The following PRIM2 variants were observed in gnomAD, a reference collection of about 807,000 sequenced individuals.
The protein encoded by PRIM2 is DNA primase subunit 2, also known as DNA primase large subunit.
A neutral mutation model predicts 67.3 loss-of-function variants in PRIM2; 39 were observed. That is an observed-to-expected ratio of 0.58 (90% confidence interval 0.45 to 0.76). The LOEUF is 0.76. Among genes scored for constraint, PRIM2 ranks in the 30% least tolerant of loss-of-function variants. The probability of loss-of-function intolerance (pLI) is 0.00; values close to 1 mark genes in which losing one functional copy is unlikely to be tolerated. For synonymous variants in PRIM2, 143 were observed against 198.7 expected (o/e 0.72, Z 2.36); for missense variants, 398 against 598.7 (o/e 0.66, Z 3.50).
At chr6:57,408,720 G>A (rs1349342782) in intron 7 of PRIM2, among the ~76,000 whole-genome samples, 1 of 152,032 alleles carries the variant, frequency 6.6e-6, no homozygotes, top group Non-Finnish European at 1.5e-5. Context: ...CTATGTTGTT[G>A]TTGTTTTTAG....
the PRIM2 span, among the ~76,000 whole-genome samples, chr6:57,301,728 G>A: frequency 2.6e-5 from 4 of 152,166 alleles, no homozygotes; most frequent in South Asian, 2.1e-4. Context: ...GTGGCTGAGC[G>A]TGAGAATCAC....
At chr6:57,510,308 A>G (rs1421341317) in intron 8 of PRIM2, among the ~76,000 whole-genome samples, 6 of 152,158 alleles carry the variant, frequency 3.9e-5, no homozygotes, top group Non-Finnish European at 5.9e-5. Flanking sequence ...TTCTGCATAA[A>G]GTTTTTATAA....
At chr6:57,270,630 G>C in the PRIM2 span, among the ~76,000 whole-genome samples, 2 of 152,074 alleles carry the variant, frequency 1.3e-5, no homozygotes, top group South Asian at 2.1e-4. Context: ...TCCTTCTCCT[G>C]CCTGATTGCC....
intron 5 of PRIM2, among the ~76,000 whole-genome samples, chr6:57,329,949 C>T (rs1562696388): frequency 6.6e-6 from 1 of 152,068 alleles, no homozygotes; most frequent in Non-Finnish European, 1.5e-5. Flanking sequence ...TATGAGTTCT[C>T]CAGCTTTGTT....
chr6:57,475,981 C>T (rs1448018552), intron 7 of PRIM2, among the ~76,000 whole-genome samples: 2 of 151,982 alleles, frequency 1.3e-5, no homozygotes, highest in African/African-American at 4.8e-5. Context: ...TTTGTGGCTA[C>T]CAGTTTTCCT....
intron 10 of PRIM2, among the ~76,000 whole-genome samples, chr6:57,591,411 G>A (rs1174433347): frequency 6.6e-6 from 1 of 152,144 alleles, no homozygotes; most frequent in Non-Finnish European, 1.5e-5. Context: ...CTGATGCTGA[G>A]CTTGAGTTTC....
chr6:57,639,435 A>T (rs1271755258), intron 13 of PRIM2, among the ~76,000 whole-genome samples: 1 of 151,878 alleles, frequency 6.6e-6, no homozygotes, highest in Non-Finnish European at 1.5e-5. Flanking sequence ...GACACAAAAA[A>T]CCCTTCAAAA....
intron 10 of PRIM2, among the ~76,000 whole-genome samples, chr6:57,569,673 T>C (rs1484151242): frequency 1.8e-4 from 27 of 152,152 alleles, no homozygotes; most frequent in African/African-American, 6.3e-4. Flanking sequence ...AAATATATAT[T>C]GAGGTTTATA....
At chr6:57,384,752 A>G (rs1441368262) in intron 7 of PRIM2, among the ~76,000 whole-genome samples, 2 of 152,142 alleles carry the variant, frequency 1.3e-5, no homozygotes. Flanking sequence ...GCAGACAACA[A>G]TTGTCTACTA....
chr6:57,238,985 C>A, the PRIM2 span, among the ~76,000 whole-genome samples: 145,673 of 152,146 alleles, frequency 0.96, 69,778 homozygotes, highest in East Asian at 1. Context: ...TTTCTTTTTT[C>A]TTTTTTTATT....
chr6:57,273,444 C>T, the PRIM2 span, among the ~76,000 whole-genome samples: 2 of 152,230 alleles, frequency 1.3e-5, no homozygotes, highest in Non-Finnish European at 2.9e-5. Flanking sequence ...CTGCATTCAT[C>T]ACATAGTTCT....
At chr6:57,249,472 T>A in the PRIM2 span, among the ~76,000 whole-genome samples, 1 of 152,190 alleles carries the variant, frequency 6.6e-6, no homozygotes, top group South Asian at 2.1e-4. Flanking sequence ...TTGGGCGTGG[T>A]GGCTCATGCC....
chr6:57,553,290 A>G (rs1304973304), intron 10 of PRIM2, among the ~76,000 whole-genome samples: 1 of 152,182 alleles, frequency 6.6e-6, no homozygotes, highest in Non-Finnish European at 1.5e-5. Flanking sequence ...CTCTTTACCA[A>G]CAAAGGAAAG....
intron 7 of PRIM2, among the ~76,000 whole-genome samples, chr6:57,436,181 A>T (rs924895537): frequency 2.0e-4 from 30 of 152,072 alleles, no homozygotes; most frequent in Admixed American, 1.0e-3. Context: ...ATTAGATTTT[A>T]GGGATTTTGC....
At chr6:57,240,869 A>G in the PRIM2 span, among the ~76,000 whole-genome samples, 10 of 152,078 alleles carry the variant, frequency 6.6e-5, no homozygotes, top group Middle Eastern at 3.4e-3. Context: ...CAGGAGGATC[A>G]CTTCAACCCA....
At chr6:57,521,367 G>GTTTTTTTTTTTTTTTTTTTTTTTT (rs1163114437) in intron 8 of PRIM2, among the ~76,000 whole-genome samples, 1 of 97,956 alleles carries the variant, frequency 1.0e-5, no homozygotes, top group African/African-American at 3.8e-5. Flanking sequence ...TGTGGTTAGG[G>GTTTTTTTTTTTTTTTTTTTTTTTT]TTTTTTTTTT....
chr6:57,589,831 G>C (rs1776256037), intron 10 of PRIM2, among the ~76,000 whole-genome samples: 2 of 152,152 alleles, frequency 1.3e-5, no homozygotes, highest in African/African-American at 4.8e-5. Context: ...TCCCATGGGA[G>C]AAGCAGGATT....
the PRIM2 span, among the ~76,000 whole-genome samples, chr6:57,267,272 T>G: frequency 1.3e-5 from 2 of 152,200 alleles, no homozygotes; most frequent in Non-Finnish European, 2.9e-5. Flanking sequence ...TTGGTATTCA[T>G]TATCTACTGT....
At chr6:57,610,954 A>G (rs1267196910) in intron 12 of PRIM2, among the ~76,000 whole-genome samples, 1 of 152,208 alleles carries the variant, frequency 6.6e-6, no homozygotes, top group Non-Finnish European at 1.5e-5. Flanking sequence ...AATCCATTAC[A>G]AATGTAAATA....
Sources: allele counts gnomAD v4.1 joint callset (sites outside exome capture counted in the v4.1 genomes callset), GRCh38; gene constraint gnomAD v4.1.1; transcripts MANE v1.5; gene names NCBI Gene and HGNC (gene_info 2026-07-23, HGNC 2026-07-21).